The following ADGRV1 variants were observed in gnomAD, a reference collection of about 807,000 sequenced individuals.
ADGRV1 encodes the protein G-protein coupled receptor 98.
ADGRV1 carries 359 observed loss-of-function variants against 596.2 expected under a neutral mutation model. The ratio of observed to expected loss-of-function variants is 0.60; its 90% confidence interval spans 0.55 to 0.66. The LOEUF is 0.66. Among genes scored for constraint, ADGRV1 ranks in the 30% least tolerant of loss-of-function variants. ADGRV1 has a pLI of 0.00. For missense variants in ADGRV1, 7,274 were observed against 7,575.6 expected (o/e 0.96, Z 1.48); for synonymous variants, 2,681 against 2,679.2 (o/e 1.00, Z -0.02).
intron 84 of ADGRV1, among the ~76,000 whole-genome samples, chr5:90,984,782 A>G (rs1373794411): frequency 6.6e-6 from 1 of 152,180 alleles, no homozygotes; most frequent in East Asian, 1.9e-4. Flanking sequence ...CACAAAATGA[A>G]CACCACTATA....
intron 70 of ADGRV1, among the ~76,000 whole-genome samples, chr5:90,797,287 C>CAAATAAAAAA (rs1760839771): frequency 3.8e-5 from 1 of 26,352 alleles, no homozygotes; most frequent in Non-Finnish European, 7.3e-5. Flanking sequence ...AAATGAAAAG[C>CAAATAAAAAA]AAAAAAAAAA....
At chr5:90,770,422 G>A (rs570272771) in intron 59 of ADGRV1, among the ~76,000 whole-genome samples, 2 of 152,214 alleles carry the variant, frequency 1.3e-5, no homozygotes, top group African/African-American at 4.8e-5. Context: ...CCACTTTGTG[G>A]TACTTCTTGT....
At chr5:90,779,158 C>T in intron 64 of ADGRV1, 61 bp downstream of exon 64, 2 of 1,001,918 alleles carry the variant, frequency 2.0e-6, no homozygotes, top group Non-Finnish European at 3.1e-6. Context: ...AGAGAAAGTT[C>T]TATTGTGTAG....
rs61693680 is a variant in ADGRV1 at position 91,131,422 on chromosome 5, GT to G, written c.18433-18592del. Among the ~76,000 whole-genome samples the G allele has an allele frequency of 4.8e-3, 602 of 124,682 alleles. 1 individual carries two copies. The highest frequency in any genetic ancestry group is 8.1e-3 in the Middle Eastern group (2 of 246). 81.8% of individuals were successfully genotyped at this position (124,682 alleles called of 152,430 possible). On this transcript the variant is annotated intron_variant, in intron 87 of 89. Transcript: ENST00000405460. ...GTCTTCTTTTGAAGTGTCTGTTTGG[GT>G]TTTTTTTTTTTTTTTGGTTTTTCTT...
At chr5:90,995,994 A>G (rs1038873229) in intron 85 of ADGRV1, among the ~76,000 whole-genome samples, 9 of 152,370 alleles carry the variant, frequency 5.9e-5, no homozygotes, top group Middle Eastern at 3.4e-3. Context: ...GCTCATTTGC[A>G]TAAAGAAATG....
chr5:90,882,607 G>T (rs1769902342), intron 83 of ADGRV1, among the ~76,000 whole-genome samples: 1 of 152,136 alleles, frequency 6.6e-6, no homozygotes, highest in Non-Finnish European at 1.5e-5. Context: ...CTCCCTTTGT[G>T]CCCTGCAGGG....
At chr5:90,850,244 G>A (rs1333578850) in intron 79 of ADGRV1, among the ~76,000 whole-genome samples, 1 of 152,140 alleles carries the variant, frequency 6.6e-6, no homozygotes, top group African/African-American at 2.4e-5. Flanking sequence ...TTGAGGTAAA[G>A]GTACAGAATC....
chr5:90,955,247 C>G (rs764709931), intron 83 of ADGRV1, among the ~76,000 whole-genome samples: 1 of 152,176 alleles, frequency 6.6e-6, no homozygotes, highest in Non-Finnish European at 1.5e-5. Context: ...CATAACAGCC[C>G]GAACTGACTC....
chr5:90,926,948 G>A (rs915643722), intron 83 of ADGRV1, among the ~76,000 whole-genome samples: 3 of 151,954 alleles, frequency 2.0e-5, no homozygotes, highest in Non-Finnish European at 2.9e-5. Context: ...GCGGTTGTGA[G>A]TGAGATTCCT....
intron 50 of ADGRV1, 52 bp from the exon 51 acceptor site, chr5:90,744,994 G>T: frequency 7.8e-7 from 1 of 1,281,326 alleles, no homozygotes; most frequent in Non-Finnish European, 1.1e-6. Flanking sequence ...AGGGAGTGTG[G>T]GAGGTGACAG....
At chr5:90,730,693 G>A (rs983772562) in intron 50 of ADGRV1, among the ~76,000 whole-genome samples, 4 of 152,144 alleles carry the variant, frequency 2.6e-5, no homozygotes, top group Admixed American at 1.3e-4. Flanking sequence ...CCCTTGGGTG[G>A]GCCAGTGATG....
chr5:90,854,190 G>A lies in ADGRV1; in HGVS notation c.17583G>A (p.Gln5861=). 3 of 1,546,862 alleles carry A rather than the reference G, an allele frequency of 1.9e-6. No individual in the cohort carries two copies. The South Asian group carries it at 3.6e-5, about 19-fold the overall frequency. The change falls in exon 81 of 90, where the codon CAG becomes CAA. Residue 5861 remains glutamine, a synonymous_variant. Coordinates refer to ENST00000405460, the MANE Select transcript of ADGRV1 (RefSeq NM_032119.4). ...PQTSLCLLWN[Q]AAASWLSDSQ... is the part of the protein sequence containing the mutation. ...CATCTCTGTGTCTCCTTTGGAATCA[G>A]GCTGCTGCAAGGTACTTATTAATAA... is the stretch of plus-strand genomic sequence containing the variant.
At chr5:90,612,470 A>G (rs1363442977) in intron 1 of ADGRV1, among the ~76,000 whole-genome samples, 1 of 152,028 alleles carries the variant, frequency 6.6e-6, no homozygotes, top group East Asian at 1.9e-4. Context: ...GTTATTGGGT[A>G]GAGAGTTTGG....
At position 90,627,238 on chromosome 5, in the gene ADGRV1, A is replaced by G. The variant is rs745913799; in HGVS notation, c.700A>G (p.Ile234Val). 54 of 1,545,216 alleles carry G rather than the reference A, an allele frequency of 3.5e-5. No homozygotes were observed. Among genetic ancestry groups the G allele is most frequent in the Non-Finnish European group, 4.6e-5 (53 of 1,147,732 alleles). Reference sequence around the variant, plus strand: ...ACCAGAAAATGATGAAATATTTTTAATTCAACTGAAAAGTGTAGAAGGAGG... The same window carrying G: ...ACCAGAAAATGATGAAATATTTTTAGTTCAACTGAAAAGTGTAGAAGGAGG... Reference protein sequence around the residue: ...EVPENDEIFLIQLKSVEGGAE... With the variant: ...EVPENDEIFLVQLKSVEGGAE... The change falls in exon 7 of 90, where the codon ATT becomes GTT. Residue 234 changes from isoleucine to valine, a missense_variant. By Grantham distance (29) the Ile-to-Val change is conservative (BLOSUM62 3). This residue lies in a region of ADGRV1 where 1,715 missense variants were observed against 1,708.8 expected (regional missense o/e 1.00). Coordinates refer to ENST00000405460, the MANE Select transcript of ADGRV1 (RefSeq NM_032119.4).
chr5:90,922,527 G>A (rs192900132), intron 83 of ADGRV1, among the ~76,000 whole-genome samples: 19 of 151,714 alleles, frequency 1.3e-4, no homozygotes, highest in Admixed American at 9.8e-4. Flanking sequence ...CTTTATTTTC[G>A]GAGTCTCCTG....
chr5:91,087,716 C>T (rs924575543), intron 86 of ADGRV1, among the ~76,000 whole-genome samples: 2 of 152,156 alleles, frequency 1.3e-5, no homozygotes, highest in Admixed American at 6.5e-5. Context: ...AAGTGTTCCA[C>T]TTTTCAACCA....
intron 53 of ADGRV1, among the ~76,000 whole-genome samples, chr5:90,752,780 C>T (rs1010006717): frequency 1.3e-5 from 2 of 152,170 alleles, no homozygotes; most frequent in African/African-American, 4.8e-5. Flanking sequence ...TTCGCAATAG[C>T]AAAGACATGG....
chr5:90,568,590 G>T (rs1047381954), intron 1 of ADGRV1, among the ~76,000 whole-genome samples: 6 of 152,130 alleles, frequency 3.9e-5, no homozygotes, highest in African/African-American at 1.4e-4. Flanking sequence ...TTCTGCTGTT[G>T]TGGGGTGAAG....
chr5:90,900,161 T>C (rs994563381), intron 83 of ADGRV1, among the ~76,000 whole-genome samples: 11 of 152,184 alleles, frequency 7.2e-5, no homozygotes, highest in Admixed American at 7.2e-4. Flanking sequence ...TTATCTTGTT[T>C]AATCTGTTAA....
Sources: allele counts gnomAD v4.1 joint callset (sites outside exome capture counted in the v4.1 genomes callset), GRCh38; gene constraint gnomAD v4.1.1; regional missense constraint gnomAD v4.1.1; transcripts MANE v1.5; gene names NCBI Gene and HGNC (gene_info 2026-07-23, HGNC 2026-07-21).